Variants in BDKRB2 observed in about 807,000 individuals in gnomAD.
BDKRB2 encodes the protein bradykinin receptor B2.
In BDKRB2, 6 loss-of-function variants were observed where a neutral mutation model predicts 4.0. The ratio of observed to expected loss-of-function variants is 1.49; its 90% CI spans 0.81 to 2.93. The LOEUF is 2.93. BDKRB2 is among the 30% of genes most tolerant of loss of function. BDKRB2 has a pLI of 0.00. For synonymous variants in BDKRB2, 225 were observed against 215.3 expected, an observed-to-expected ratio of 1.05 and a Z score of -0.40; for missense variants, 478 against 520.1, an observed-to-expected ratio of 0.92 and a Z score of 0.79.
Position 96,241,486 on chromosome 14 carries a change from G to A in BDKRB2, c.1158G>A (p.Trp386Ter). Reference sequence around the variant, plus strand: ...GCCAGATTCACAAACTGCAGGACTGGGCAGGGAGCAGACAGTGAGCAAACG... The same window carrying A: ...GCCAGATTCACAAACTGCAGGACTGAGCAGGGAGCAGACAGTGAGCAAACG... Reference protein sequence around the residue: ...VERQIHKLQDWAGSRQ With the variant: ...VERQIHKLQD Residue 386 changes from tryptophan to a stop codon, truncating the protein, a stop_gained, in exon 3 of 3, where the codon TGG (tryptophan) becomes TGA (stop). Coordinates refer to ENST00000554311, the MANE Select transcript of BDKRB2 (RefSeq NM_001379692.1). LOFTEE classifies it high-confidence loss of function. 4 of 1,546,926 alleles carry A rather than the reference G, an allele frequency of 2.6e-6. No individual in the cohort carries two copies. The East Asian group carries it at 6.8e-5, about 26-fold the overall frequency.
At chr14:96,219,393 G>T (rs1318321870) in intron 1 of BDKRB2, among the ~76,000 whole-genome samples, 2 of 151,982 alleles carry the variant, frequency 1.3e-5, no homozygotes, top group African/African-American at 4.8e-5. Flanking sequence ...ACTTGCCCAG[G>T]GCTGCACAGC....
At chr14:96,212,367 T>G (rs1000563419) in intron 1 of BDKRB2, among the ~76,000 whole-genome samples, 3 of 150,722 alleles carry the variant, frequency 2.0e-5, no homozygotes, top group Non-Finnish European at 4.5e-5. Flanking sequence ...GAGTCATGCC[T>G]TTAAATTTTT....
chr14:96,241,076 G>A lies in BDKRB2; in HGVS notation c.748G>A (p.Val250Met), dbSNP rs1227299587. The change falls in exon 3 of 3, where the codon GTG becomes ATG. Residue 250 changes from valine to methionine, a missense_variant. Coordinates refer to ENST00000554311, the MANE Select transcript of BDKRB2 (RefSeq NM_001379692.1). ...CTTCTGCACGATGCAGATCATGCAG[G>A]TGCTGCGGAACAACGAGATGCAGAA... ...ITFCTMQIMQVLRNNEMQKFK... is the reference protein window; with the variant it reads ...ITFCTMQIMQMLRNNEMQKFK... 1.2e-6 allele frequency: 2 copies of A among 1,613,932 alleles called. No individual in the cohort carries two copies. The highest frequency in any genetic ancestry group is 2.7e-5 in the African/African-American group (2 of 74,930).
rs553798649 is a variant in BDKRB2 at position 96,216,820 on chromosome 14, G to A, written c.-40+11861G>A. On this transcript the variant is annotated intron_variant, in intron 1 of 2. Transcript: ENST00000554311. ...GTAGGAGAAGAAGAAGGAGGAGGAG[G>A]AGGAGGAGATCCTACAGCACTGTTT... is the stretch of plus-strand genomic sequence containing the variant. Among the ~76,000 whole-genome samples, 322 of 150,800 alleles carry A rather than the reference G, an allele frequency of 2.1e-3. 2 individuals carry two copies. The highest frequency in any genetic ancestry group is 7.6e-3 in the African/African-American group (312 of 41,016).
intron 2 of BDKRB2, chr14:96,240,084 C>G (rs1398580111): frequency 9.3e-7 from 1 of 1,079,838 alleles, no homozygotes; most frequent in Non-Finnish European, 1.1e-6. Context: ...CCTCCCATCA[C>G]GGAAGCTTCA....
Position 96,221,480 on chromosome 14 carries a change from G to A in BDKRB2, c.-39-15589G>A, listed in dbSNP as rs141697971. ...AGCCCCTCGCTCAAGTAGGGTATGC[G>A]AGGACTCAGGAGACGTCAACAGACA... is the stretch of plus-strand genomic sequence containing the variant. On this transcript the variant is annotated intron_variant, in intron 1 of 2. Transcript: ENST00000554311. Among the ~76,000 whole-genome samples, 71 of 152,210 alleles carry A rather than the reference G, an allele frequency of 4.7e-4. 1 individual carries two copies. The highest frequency in any genetic ancestry group is 1.6e-3 in the African/African-American group (66 of 41,476).
chr14:96,241,406 C>T lies in BDKRB2; in HGVS notation c.1078C>T (p.Pro360Ser). The T allele has an allele frequency of 6.2e-7, 1 of 1,610,800 alleles. No individual in the cohort carries two copies. Among genetic ancestry groups the T allele is most frequent in the African/African-American group, 1.3e-5 (1 of 75,012 alleles). The change falls in exon 3 of 3, where the codon CCC (proline) becomes TCC (serine). Residue 360 changes from proline (P) to serine (S), a missense_variant. Pro to Ser is a moderately conservative substitution (Grantham distance 74). Coordinates refer to ENST00000554311, the MANE Select transcript of BDKRB2 (RefSeq NM_001379692.1). Reference sequence around the variant, plus strand: ...CCAGAAAGGGGGCTGCAGGTCAGAACCCATTCAGATGGAGAACTCCATGGG... The same window carrying T: ...CCAGAAAGGGGGCTGCAGGTCAGAATCCATTCAGATGGAGAACTCCATGGG... ...VCQKGGCRSEPIQMENSMGTL... is the reference protein window; with the variant it reads ...VCQKGGCRSESIQMENSMGTL...
At chr14:96,208,574 G>A (rs1050902143) in intron 1 of BDKRB2, among the ~76,000 whole-genome samples, 3 of 152,310 alleles carry the variant, frequency 2.0e-5, no homozygotes, top group African/African-American at 7.2e-5. Context: ...CAGGCACACT[G>A]CAGGAGCTCA....
chr14:96,237,169 C>T lies in BDKRB2; in HGVS notation c.62C>T (p.Thr21Met), dbSNP rs200061371. ...LSVREDSVPTTASFSADMLNV... is the reference protein window; with the variant it reads ...LSVREDSVPTMASFSADMLNV... Reference sequence around the variant, plus strand: ...GTTCGTGAGGACTCCGTGCCCACCACGGCCTCTTTCAGGTGAGTCAAAGGG... The same window carrying T: ...GTTCGTGAGGACTCCGTGCCCACCATGGCCTCTTTCAGGTGAGTCAAAGGG... Residue 21 changes from threonine to methionine, a missense_variant, in exon 2 of 3, where the codon ACG becomes ATG. Coordinates refer to ENST00000554311, the MANE Select transcript of BDKRB2 (RefSeq NM_001379692.1). 1.9e-5 allele frequency: 31 copies of T among 1,613,466 alleles called. No individual in the cohort carries two copies. Among genetic ancestry groups the T allele is most frequent in the Middle Eastern group, 1.6e-4 (1 of 6,080 alleles).
intron 2 of BDKRB2, chr14:96,238,152 G>T: frequency 1.1e-6 from 1 of 945,456 alleles, no homozygotes; most frequent in Non-Finnish European, 1.3e-6. Context: ...GCCTTGGTTG[G>T]AAGATTCAAA....
At chr14:96,240,290 C>T (rs1345699371) in intron 2 of BDKRB2, 113 bp from the exon 3 acceptor site, 11 of 1,343,390 alleles carry the variant, frequency 8.2e-6, no homozygotes, top group Middle Eastern at 2.7e-4. Flanking sequence ...AGCTCCACCT[C>T]GGCTTCTCCT....
Position 96,240,562 on chromosome 14 carries a change from C to T in BDKRB2, c.234C>T (p.Val78=), listed in dbSNP as rs146975044. ...FVLATLENIF[V]LSVFCLHKSS... is the part of the protein sequence containing the mutation. ...TGGCCACCCTAGAGAACATCTTTGT[C>T]CTCAGCGTCTTCTGCCTGCACAAGA... is the stretch of plus-strand genomic sequence containing the variant. The change falls in exon 3 of 3, where the codon GTC becomes GTT. Residue 78 remains valine (V), a synonymous_variant. Coordinates refer to ENST00000554311, the MANE Select transcript of BDKRB2 (RefSeq NM_001379692.1). 50 of 1,573,500 alleles carry T rather than the reference C, an allele frequency of 3.2e-5. No individual in the cohort carries two copies. The highest frequency in any genetic ancestry group is 1.7e-4 in the Middle Eastern group (1 of 5,866).
chr14:96,227,309 C>T (rs1293571597), intron 1 of BDKRB2, among the ~76,000 whole-genome samples: 2 of 152,210 alleles, frequency 1.3e-5, no homozygotes, highest in African/African-American at 4.8e-5. Context: ...TTTGTGCTCA[C>T]ATTAACCCCA....
intron 2 of BDKRB2, among the ~76,000 whole-genome samples, 175 bp downstream of exon 2, chr14:96,237,356 G>C (rs1359861799): frequency 6.6e-6 from 1 of 152,240 alleles, no homozygotes; most frequent in Non-Finnish European, 1.5e-5. Flanking sequence ...GTTGGGAGCA[G>C]AGGGAATGTT....
intron 1 of BDKRB2, among the ~76,000 whole-genome samples, chr14:96,210,327 G>T (rs1179084362): frequency 6.6e-6 from 1 of 152,168 alleles, no homozygotes; most frequent in African/African-American, 2.4e-5. Context: ...TTGGGGTCTG[G>T]GGATTTTAAT....
chr14:96,238,704 C>G, intron 2 of BDKRB2: 2 of 976,488 alleles, frequency 2.0e-6, no homozygotes, highest in Non-Finnish European at 2.4e-6. Flanking sequence ...GCCTGGTCCA[C>G]TTGTCCTCCT....
intron 1 of BDKRB2, among the ~76,000 whole-genome samples, chr14:96,211,991 G>C (rs1890314543): frequency 6.6e-6 from 1 of 152,116 alleles, no homozygotes; most frequent in Admixed American, 6.5e-5. Context: ...CTTATACATG[G>C]ATATGTGCAC....
At chr14:96,222,452 C>G (rs1890596119) in intron 1 of BDKRB2, among the ~76,000 whole-genome samples, 1 of 151,926 alleles carries the variant, frequency 6.6e-6, no homozygotes, top group Admixed American at 6.6e-5. Context: ...GATGACAGCC[C>G]CCATCCTGAG....
At chr14:96,210,514 G>T (rs968242463) in intron 1 of BDKRB2, among the ~76,000 whole-genome samples, 1 of 152,180 alleles carries the variant, frequency 6.6e-6, no homozygotes, top group Non-Finnish European at 1.5e-5. Context: ...GAGGAGCTAG[G>T]CTTGGATTGC....
Sources: allele counts gnomAD v4.1 joint callset (sites outside exome capture counted in the v4.1 genomes callset), GRCh38; gene constraint gnomAD v4.1.1; transcripts MANE v1.5; gene names NCBI Gene and HGNC (gene_info 2026-07-23, HGNC 2026-07-21).